KCNMA1: variants seen among roughly 807,000 people sequenced by gnomAD.
The protein encoded by KCNMA1 is potassium calcium-activated channel subfamily M alpha 1.
A neutral mutation model predicts 140.0 loss-of-function variants in KCNMA1; 29 were observed. The ratio of observed to expected loss-of-function variants is 0.21; its 90% CI spans 0.15 to 0.28. The LOEUF (loss-of-function observed/expected upper bound fraction) is 0.28, where lower values mean the gene tolerates loss of function less well. Among genes scored for constraint, KCNMA1 ranks in the 10% least tolerant of loss-of-function variants. The pLI, the probability that KCNMA1 is intolerant of heterozygous loss-of-function variation, is 1.00. For synonymous variants in KCNMA1, 612 were observed against 611.9 expected (o/e 1.00, Z 0.00); for missense variants, 880 against 1,602.2 (o/e 0.55, Z 7.70).
At chr10:76,986,022 T>G (rs975114418) in intron 19 of KCNMA1, among the ~76,000 whole-genome samples, 2 of 152,170 alleles carry the variant, frequency 1.3e-5, no homozygotes, top group African/African-American at 4.8e-5. Context: ...AGGGCCCCGG[T>G]AAATGAAAAA....
intron 10 of KCNMA1, 150 bp downstream of exon 10, chr10:77,090,250 C>A: frequency 1.4e-6 from 1 of 712,774 alleles, no homozygotes; most frequent in Non-Finnish European, 2.6e-6. Context: ...AATATCTTCT[C>A]CAACGAGGCC....
At chr10:77,285,642 A>G (rs1410409080) in intron 2 of KCNMA1, among the ~76,000 whole-genome samples, 1 of 151,760 alleles carries the variant, frequency 6.6e-6, no homozygotes, top group East Asian at 1.9e-4. Context: ...AACTGAAATG[A>G]CTGGAATTTT....
intron 23 of KCNMA1, among the ~76,000 whole-genome samples, chr10:76,928,514 T>A (rs1456918799): frequency 6.6e-6 from 1 of 152,100 alleles, no homozygotes; most frequent in Admixed American, 6.6e-5. Context: ...TAAAACACAT[T>A]CCAATAAATG....
rs534520704 is a variant in KCNMA1 at position 77,133,767 on chromosome 10, C to T, written c.809-12719G>A. Among the ~76,000 whole-genome samples the T allele has an allele frequency of 3.3e-5, 5 of 152,208 alleles. No individual in the cohort carries two copies. In the South Asian group the frequency reaches 1.0e-3, roughly 32 times the overall value. ...GTATCTGAATGGATGGGCAGAAAGA[C>T]ACACACATATATTAGTAAACTAGGA... On this transcript the variant is annotated intron_variant, in intron 5 of 27. Transcript: ENST00000286628.
chr10:77,325,770 C>A (rs541354527), intron 2 of KCNMA1, among the ~76,000 whole-genome samples: 1 of 152,142 alleles, frequency 6.6e-6, no homozygotes, highest in Non-Finnish European at 1.5e-5. Flanking sequence ...GTCTCCTTGT[C>A]GCCATACCAT....
intron 13 of KCNMA1, chr10:77,077,829 C>T (rs1056152776): frequency 2.6e-5 from 4 of 152,236 alleles, no homozygotes; most frequent in African/African-American, 9.6e-5. Context: ...CCGTACATTA[C>T]CAATATCCTC....
At chr10:77,550,734 T>C (rs1165618329) in intron 1 of KCNMA1, among the ~76,000 whole-genome samples, 1 of 152,156 alleles carries the variant, frequency 6.6e-6, no homozygotes, top group Non-Finnish European at 1.5e-5. Context: ...ATTTTCAAGG[T>C]AGGATGTTGA....
At chr10:77,601,868 C>T (rs59257184) in intron 1 of KCNMA1, among the ~76,000 whole-genome samples, 19,073 of 152,120 alleles carry the variant, frequency 0.13, 1,537 homozygotes, top group African/African-American at 0.21. Flanking sequence ...AAGCAGGTGG[C>T]GCAGACTCTG....
At chr10:77,393,401 A>G (rs1348773945) in intron 2 of KCNMA1, among the ~76,000 whole-genome samples, 1 of 152,218 alleles carries the variant, frequency 6.6e-6, no homozygotes, top group Non-Finnish European at 1.5e-5. Context: ...AAAAATAATA[A>G]TAACCATGCT....
downstream of KCNMA1, among the ~76,000 whole-genome samples, chr10:76,881,897 T>C (rs2034824771): frequency 2.0e-5 from 3 of 152,054 alleles, no homozygotes; most frequent in Admixed American, 2.0e-4. Context: ...TTAGGGTTTT[T>C]CCCCTCCCAG....
intron 1 of KCNMA1, among the ~76,000 whole-genome samples, chr10:77,630,335 G>A (rs2093034232): frequency 6.6e-6 from 1 of 152,270 alleles, no homozygotes; most frequent in Admixed American, 6.5e-5. Flanking sequence ...CACACCCTTT[G>A]CAGAATGACC....
At chr10:77,159,421 A>C (rs1270357710) in intron 5 of KCNMA1, among the ~76,000 whole-genome samples, 5 of 152,060 alleles carry the variant, frequency 3.3e-5, no homozygotes, top group African/African-American at 4.8e-5. Flanking sequence ...GGGCTTATGT[A>C]GGGCTTTGAG....
At chr10:77,047,572 G>A (rs978560060) in intron 14 of KCNMA1, among the ~76,000 whole-genome samples, 16 of 148,310 alleles carry the variant, frequency 1.1e-4, no homozygotes, top group Non-Finnish European at 2.2e-4. Context: ...TGTTACATAT[G>A]TGGCAGGAAA....
intron 2 of KCNMA1, among the ~76,000 whole-genome samples, chr10:77,389,582 C>T (rs923172808): frequency 4.6e-5 from 7 of 152,142 alleles, no homozygotes; most frequent in Admixed American, 1.3e-4. Context: ...GGGGTCACCA[C>T]GTTTGATACC....
rs539849210 is a variant in KCNMA1 at position 77,397,257 on chromosome 10, T to C, written c.540+6605A>G. ...TCTCTTCGCCTCCAGCCCCAGACTT[T>C]CAATTTCTTTATATATAAAACAAGG... On this transcript the variant is annotated intron_variant, in intron 2 of 27. Transcript: ENST00000286628. 5.3e-5 allele frequency among the ~76,000 whole-genome samples: 8 copies of C among 152,338 alleles called. No individual in the cohort carries two copies. In the South Asian group the frequency reaches 1.7e-3, roughly 32 times the overall value.
chr10:77,426,198 C>G (rs184336686), intron 1 of KCNMA1, among the ~76,000 whole-genome samples: 1 of 152,144 alleles, frequency 6.6e-6, no homozygotes, highest in Admixed American at 6.5e-5. Context: ...TTATTGATGA[C>G]AGAGATGAAA....
At chr10:77,001,321 C>T in intron 19 of KCNMA1, 86 bp downstream of exon 19, 1 of 1,297,222 alleles carries the variant, frequency 7.7e-7, no homozygotes, top group Admixed American at 2.0e-5. Flanking sequence ...GCCCGACTGA[C>T]TCAGAACCAC....
At chr10:77,050,440 G>A (rs1172754727) in intron 14 of KCNMA1, among the ~76,000 whole-genome samples, 1 of 152,184 alleles carries the variant, frequency 6.6e-6, no homozygotes, top group African/African-American at 2.4e-5. Flanking sequence ...ATTTTAGACA[G>A]TTTGGTGAGA....
At chr10:77,518,714 C>G (rs771842958) in intron 1 of KCNMA1, among the ~76,000 whole-genome samples, 2 of 152,194 alleles carry the variant, frequency 1.3e-5, no homozygotes, top group Non-Finnish European at 2.9e-5. Flanking sequence ...AGAGGGAGCT[C>G]TTGGTCACCT....
Sources: allele counts gnomAD v4.1 joint callset (sites outside exome capture counted in the v4.1 genomes callset), GRCh38; gene constraint gnomAD v4.1.1; transcripts MANE v1.5; gene names NCBI Gene and HGNC (gene_info 2026-07-23, HGNC 2026-07-21).